The following SMARCA4 variants were observed in gnomAD, a reference collection of about 807,000 sequenced individuals.
The protein encoded by SMARCA4 is SWI/SNF related BAF chromatin remodeling complex subunit ATPase 4.
SMARCA4 carries 31 observed loss-of-function variants against 193.9 expected under a neutral mutation model. That is an observed-to-expected ratio of 0.16 (90% confidence interval 0.12 to 0.22). The LOEUF (loss-of-function observed/expected upper bound fraction) is 0.22, where lower values mean the gene tolerates loss of function less well. SMARCA4 is among the 10% of genes least tolerant of loss of function. The pLI is 1.00. For synonymous variants in SMARCA4, 942 were observed against 933.1 expected, an observed-to-expected ratio of 1.01 and a Z score of -0.17; for missense variants, 1,148 against 2,296.0, an observed-to-expected ratio of 0.50 and a Z score of 10.22.
rs193016483 is a variant in SMARCA4 at position 11,028,055 on chromosome 19, C to T, written c.3382+105C>T. On this transcript the variant is annotated intron_variant, in intron 24 of 34. Transcript: ENST00000344626. ...CCTGTGAGGCAGGGTGAGGCCCAGG[C>T]GCTCTGGGTCCAGTGGCCAGAGTGG... 5.8e-4 allele frequency: 730 copies of T among 1,268,082 alleles called. 3 individuals carry two copies. The African/African-American group carries it at 8.1e-3, about 14-fold the overall frequency. 78.6% of individuals were successfully genotyped at this position (1,268,082 alleles called of 1,614,324 possible).
chr19:10,982,941 A>G (rs2085682587), intron 1 of SMARCA4, among the ~76,000 whole-genome samples: 1 of 152,240 alleles, frequency 6.6e-6, no homozygotes, highest in African/African-American at 2.4e-5. Context: ...AACAAGACAG[A>G]TTTGCGACAT....
At position 10,986,600 on chromosome 19, in the gene SMARCA4, C is replaced by T. The variant is rs1257824177; in HGVS notation, c.760+7C>T. The T allele has an allele frequency of 3.3e-6, 5 of 1,535,670 alleles. No individual in the cohort carries two copies. In the South Asian group the frequency reaches 3.6e-5, roughly 11 times the overall value. Reference sequence around the variant, plus strand: ...AATTACAGCAGGCCTCATGGTAAGACTGGCTGCCCTGGCCCTCAGGTGTCT... The same window carrying T: ...AATTACAGCAGGCCTCATGGTAAGATTGGCTGCCCTGGCCCTCAGGTGTCT... On this transcript the variant is annotated splice_region_variant and intron_variant, in intron 4 of 34. Transcript: ENST00000344626. This position sits in a 1 kb window ranked among gnomAD's most constrained non-coding sequence, Gnocchi z 6.7.
chr19:11,029,199 C>T (rs778062509), intron 24 of SMARCA4, among the ~76,000 whole-genome samples: 3 of 152,200 alleles, frequency 2.0e-5, no homozygotes, highest in African/African-American at 4.8e-5. Context: ...CGGGCCACCC[C>T]CCACCCTTTC....
rs61382773 is a variant in SMARCA4, at chr19:10,963,767, AT to A, written c.-32+2609del. Among the ~76,000 whole-genome samples the A allele has an allele frequency of 2.6e-3, 364 of 141,034 alleles. 1 individual carries two copies. The highest frequency in any genetic ancestry group is 6.1e-3 in the African/African-American group (233 of 38,212). 92.5% of individuals were successfully genotyped at this position (141,034 alleles called of 152,430 possible). A position where few individuals can be genotyped will look rare whatever the true frequency, so the allele number is the denominator to read the frequency against. ...GCACCTGATGCGTAGTGAACACTTGATTTTTTTTTTTTTTTTGAGACGGAGT... is the reference window on the plus strand; with the variant it reads ...GCACCTGATGCGTAGTGAACACTTGATTTTTTTTTTTTTTTGAGACGGAGT... On this transcript the variant is annotated intron_variant, in intron 1 of 34. Coordinates refer to ENST00000344626, the MANE Select transcript of SMARCA4 (RefSeq NM_003072.5).
chr19:10,969,234 G>A (rs919512448), intron 1 of SMARCA4, among the ~76,000 whole-genome samples: 3 of 152,160 alleles, frequency 2.0e-5, no homozygotes, highest in African/African-American at 7.2e-5. Flanking sequence ...GGTCAGCCTC[G>A]AGGAAGGGGG....
At position 10,986,848 on chromosome 19, in the gene SMARCA4, G is replaced by A. The variant is rs919856195; in HGVS notation, c.761-57G>A. The A allele has an allele frequency of 1.0e-5, 15 of 1,456,802 alleles. 1 individual carries two copies. The highest frequency in any genetic ancestry group is 1.4e-5 in the African/African-American group (1 of 71,946). 90.2% of individuals were successfully genotyped at this position (1,456,802 alleles called of 1,614,324 possible). On this transcript the variant is annotated intron_variant, in intron 4 of 34. Coordinates refer to ENST00000344626, the MANE Select transcript of SMARCA4 (RefSeq NM_003072.5). This position sits in a 1 kb window ranked among gnomAD's most constrained non-coding sequence, Gnocchi z 6.7. ...GGAGCCAGGGCTGCCCACGGGGCTGGGCGCAGGCATAAACCTGGGACGCAC... is the reference window on the plus strand; with the variant it reads ...GGAGCCAGGGCTGCCCACGGGGCTGAGCGCAGGCATAAACCTGGGACGCAC...
At chr19:11,055,380 G>T (rs537782270) in intron 30 of SMARCA4, among the ~76,000 whole-genome samples, 86 of 152,020 alleles carry the variant, frequency 5.7e-4, no homozygotes, top group African/African-American at 2.0e-3. Flanking sequence ...AGTAGAGACG[G>T]GGTATCACTA....
intron 25 of SMARCA4, chr19:11,032,327 G>A (rs2074982870): frequency 2.0e-5 from 3 of 152,268 alleles, no homozygotes; most frequent in South Asian, 4.1e-4. Flanking sequence ...CCCAGAGACA[G>A]GATTTCGTGT....
In SMARCA4 at chr19:10,987,116, T is replaced by G. The variant is rs1476846444; in HGVS notation, c.859+113T>G. The G allele has an allele frequency of 1.3e-6, 1 of 769,710 alleles. No homozygotes were observed. Among genetic ancestry groups the G allele is most frequent in the Admixed American group, 2.0e-5 (1 of 50,150 alleles). The allele number at this position is 769,710 out of a possible 1,614,324, so 47.7% of individuals were successfully genotyped here. On this transcript the variant is annotated intron_variant, in intron 5 of 34. Transcript: ENST00000344626. This position sits in a 1 kb window ranked among gnomAD's most constrained non-coding sequence, Gnocchi z 5.3. Reference sequence around the variant, plus strand: ...AGGGCCGAGGGTGGTCAGGCTGAACTGCAGCCTGTACTTTTCTTGTGGTGG... The same window carrying G: ...AGGGCCGAGGGTGGTCAGGCTGAACGGCAGCCTGTACTTTTCTTGTGGTGG...
At chr19:10,997,193 T>TTTTA (rs889578704) in intron 11 of SMARCA4, among the ~76,000 whole-genome samples, 12 of 151,414 alleles carry the variant, frequency 7.9e-5, no homozygotes, top group African/African-American at 2.2e-4. Flanking sequence ...TTAATTTTAT[T>TTTTA]TTTATTTATT....
chr19:11,055,347 G>A (rs930066999), intron 30 of SMARCA4, among the ~76,000 whole-genome samples: 2 of 152,058 alleles, frequency 1.3e-5, no homozygotes, highest in East Asian at 3.9e-4. Flanking sequence ...CTGTCACCAC[G>A]CCTGGCTCAT....
chr19:11,025,115 G>A (rs941929011), intron 21 of SMARCA4, among the ~76,000 whole-genome samples: 2 of 151,794 alleles, frequency 1.3e-5, no homozygotes, highest in Non-Finnish European at 2.9e-5. Flanking sequence ...CCAGAACAAA[G>A]CTGGCATCAC....
intron 24 of SMARCA4, among the ~76,000 whole-genome samples, chr19:11,028,326 T>C (rs889537005): frequency 2.6e-5 from 4 of 152,242 alleles, no homozygotes; most frequent in African/African-American, 9.6e-5. Flanking sequence ...CAGGCACAGC[T>C]GGATCCAGGC....
At chr19:11,049,819 G>T (rs994689480) in intron 30 of SMARCA4, among the ~76,000 whole-genome samples, 6 of 151,554 alleles carry the variant, frequency 4.0e-5, no homozygotes, top group African/African-American at 1.5e-4. Flanking sequence ...AAGACCATGC[G>T]GGCCAGGCGC....
intron 29 of SMARCA4, among the ~76,000 whole-genome samples, chr19:11,037,541 G>T (rs759727998): frequency 6.6e-6 from 1 of 152,170 alleles, no homozygotes; most frequent in African/African-American, 2.4e-5. Context: ...TTATTTACAA[G>T]TGCCTTATCA....
chr19:10,987,609 A>G lies in SMARCA4; in HGVS notation c.860-57A>G. On this transcript the variant is annotated intron_variant, in intron 5 of 34. Coordinates refer to ENST00000344626, the MANE Select transcript of SMARCA4 (RefSeq NM_003072.5). This position sits in a 1 kb window ranked among gnomAD's most constrained non-coding sequence, Gnocchi z 5.3. ...AGCAGCTCAGCAGCTTTCCATTTCC[A>G]GCCCGGGATGGGCCCCAGAGCTCAA... 1 of 1,606,690 alleles carries G rather than the reference A, an allele frequency of 6.2e-7. No homozygotes were observed. Among genetic ancestry groups the G allele is most frequent in the Non-Finnish European group, 8.5e-7 (1 of 1,174,568 alleles).
At chr19:10,973,902 A>G (rs1179852067) in intron 1 of SMARCA4, among the ~76,000 whole-genome samples, 3 of 151,978 alleles carry the variant, frequency 2.0e-5, no homozygotes, top group Admixed American at 2.0e-4. Context: ...CGAGGGGAAC[A>G]TTTTGTTTTG....
intron 8 of SMARCA4, among the ~76,000 whole-genome samples, chr19:10,993,695 G>T (rs2086755674): frequency 6.6e-6 from 1 of 152,098 alleles, no homozygotes. Context: ...GCCCACGCTG[G>T]AGTGCAGTGG....
Position 11,033,611 on chromosome 19 carries a change from A to T in SMARCA4, c.3774+94A>T, listed in dbSNP as rs952567098. The T allele has an allele frequency of 7.4e-6, 7 of 941,770 alleles. No individual in the cohort carries two copies. In the South Asian group the frequency reaches 9.2e-5, roughly 12 times the overall value. 58.3% of individuals were successfully genotyped at this position (941,770 alleles called of 1,614,324 possible). A position where few individuals can be genotyped will look rare whatever the true frequency, so the allele number is the denominator to read the frequency against. On this transcript the variant is annotated intron_variant, in intron 26 of 34. Coordinates refer to ENST00000344626, the MANE Select transcript of SMARCA4 (RefSeq NM_003072.5). This position sits in a 1 kb window ranked among gnomAD's most constrained non-coding sequence, Gnocchi z 9.8. The stretch of plus-strand genomic sequence containing the variant: ...GTTTTTTTACCTTTTTTGCACTCTT[A>T]TTTTTTTTGCATCCCTTTGGAGTAA...
Sources: allele counts gnomAD v4.1 joint callset (sites outside exome capture counted in the v4.1 genomes callset), GRCh38; gene constraint gnomAD v4.1.1; non-coding constraint Gnocchi (gnomAD v3.1); transcripts MANE v1.5; gene names NCBI Gene and HGNC (gene_info 2026-07-23, HGNC 2026-07-21).